ARMC3: variants seen among roughly 807,000 people sequenced by gnomAD.
ARMC3 encodes the protein armadillo repeat-containing protein 3.
ARMC3 carries 74 observed loss-of-function variants against 90.3 expected under a neutral mutation model. The ratio of observed to expected loss-of-function variants is 0.82; its 90% confidence interval spans 0.68 to 0.99. The LOEUF (loss-of-function observed/expected upper bound fraction) is 0.99. Ranked by LOEUF, ARMC3 falls within the 50% of genes least tolerant of loss-of-function variation. The probability of loss-of-function intolerance (pLI) is 0.00; values close to 1 mark genes in which losing one functional copy is unlikely to be tolerated. For missense variants in ARMC3, 958 were observed against 1,042.8 expected, an observed-to-expected ratio of 0.92 and a Z score of 1.12; for synonymous variants, 334 against 361.8, an observed-to-expected ratio of 0.92 and a Z score of 0.87.
At chr10:22,971,653 C>G (rs1177133399) in intron 8 of ARMC3, among the ~76,000 whole-genome samples, 1 of 152,062 alleles carries the variant, frequency 6.6e-6, no homozygotes, top group African/African-American at 2.4e-5. Context: ...GTTAGCCAAG[C>G]TGGTCTTGAA....
At chr10:23,014,204 TGGTCTTCTGAA>T in intron 16 of ARMC3, 1 of 1,542,844 alleles carries the variant, frequency 6.5e-7, no homozygotes, top group Non-Finnish European at 8.8e-7. Flanking sequence ...AACTGGGCCT[TGGTCTTCTGAA>T]TTGTAAATGA....
chr10:22,931,212 C>T (rs1833917556), intron 1 of ARMC3, among the ~76,000 whole-genome samples: 1 of 152,196 alleles, frequency 6.6e-6, no homozygotes, highest in Admixed American at 6.5e-5. Context: ...CAGGCGTGAG[C>T]CACCTGCCCG....
At chr10:22,996,208 T>C (rs1163440981) in intron 10 of ARMC3, among the ~76,000 whole-genome samples, 1 of 152,214 alleles carries the variant, frequency 6.6e-6, no homozygotes, top group Non-Finnish European at 1.5e-5. Context: ...TGCAAAAATA[T>C]GAGATGTTTC....
intron 16 of ARMC3, among the ~76,000 whole-genome samples, chr10:23,010,081 C>T (rs1410106845): frequency 1.3e-5 from 2 of 151,922 alleles, no homozygotes; most frequent in African/African-American, 4.8e-5. Context: ...ATCACTGCTA[C>T]TCATCCATCC....
In ARMC3 at chr10:23,014,364, G is replaced by T. The variant is rs1218458820; in HGVS notation, c.2045+5433G>T. 4 of 1,305,082 alleles carry T rather than the reference G, an allele frequency of 3.1e-6. No homozygotes were observed. The East Asian group carries it at 8.9e-5, about 29-fold the overall frequency. The allele number at this position is 1,305,082 out of a possible 1,614,324, so 80.8% of individuals were successfully genotyped here. On this transcript the variant is annotated intron_variant, in intron 16 of 18. Coordinates refer to ENST00000298032, the MANE Select transcript of ARMC3 (RefSeq NM_173081.5). ...CTTCTTAGCCTTTGGTCCATTGAGGGGTAGATTAGCCATAGCCCTGTTGTC... is the reference window on the plus strand; with the variant it reads ...CTTCTTAGCCTTTGGTCCATTGAGGTGTAGATTAGCCATAGCCCTGTTGTC...
chr10:22,959,612 C>A, intron 6 of ARMC3, 38 bp downstream of exon 6: 1 of 1,534,690 alleles, frequency 6.5e-7, no homozygotes, highest in South Asian at 1.3e-5. Flanking sequence ...GATGAAAGCT[C>A]ATTTTAGAAT....
At position 22,953,452 on chromosome 10, in the gene ARMC3, A is replaced by T. The variant is rs181043574; in HGVS notation, c.167-2355A>T. ...CATATGATCATCTTAATACATGCAA[A>T]ACAACCTTTTTGGCAAAATCTGACA... On this transcript the variant is annotated intron_variant, in intron 3 of 18. Transcript: ENST00000298032. Among the ~76,000 whole-genome samples, 12 of 152,316 alleles carry T rather than the reference A, an allele frequency of 7.9e-5. No homozygotes were observed. The East Asian group carries it at 2.3e-3, about 29-fold the overall frequency.
At chr10:22,978,675 A>G (rs913941452) in intron 8 of ARMC3, among the ~76,000 whole-genome samples, 40 of 152,360 alleles carry the variant, frequency 2.6e-4, no homozygotes, top group African/African-American at 8.4e-4. Context: ...TGAATAAGAA[A>G]GCTATATCCT....
At chr10:23,023,307 G>A (rs117546025) in intron 16 of ARMC3, among the ~76,000 whole-genome samples, 84 of 152,256 alleles carry the variant, frequency 5.5e-4, no homozygotes, top group Middle Eastern at 3.4e-3. Flanking sequence ...GAAAATTAAC[G>A]TGTCATTGGA....
At chr10:22,974,404 A>C (rs1279003915) in intron 8 of ARMC3, among the ~76,000 whole-genome samples, 1 of 152,066 alleles carries the variant, frequency 6.6e-6, no homozygotes, top group Non-Finnish European at 1.5e-5. Flanking sequence ...TAGCTACTAT[A>C]TTCACCCTTA....
chr10:22,954,492 T>A (rs113179205), intron 3 of ARMC3, among the ~76,000 whole-genome samples: 4,121 of 150,412 alleles, frequency 0.027, 159 homozygotes, highest in African/African-American at 0.091. Context: ...TGAGACCCCA[T>A]CTCTACAAAA....
intron 8 of ARMC3, among the ~76,000 whole-genome samples, chr10:22,976,107 T>C (rs1353290733): frequency 6.6e-6 from 1 of 152,206 alleles, no homozygotes; most frequent in Non-Finnish European, 1.5e-5. Context: ...ATTCTCCTGA[T>C]CCCACTGGTT....
intron 1 of ARMC3, among the ~76,000 whole-genome samples, chr10:22,928,653 G>A (rs1170837338): frequency 6.6e-6 from 1 of 152,210 alleles, no homozygotes; most frequent in Non-Finnish European, 1.5e-5. Flanking sequence ...GATAATGGAT[G>A]AAAATTTTAT....
intron 1 of ARMC3, 150 bp downstream of exon 1, chr10:22,928,256 G>T (rs890276996): frequency 1.8e-4 from 28 of 152,308 alleles, no homozygotes; most frequent in African/African-American, 5.1e-4. Context: ...CGCCCGCAGG[G>T]TTAGACGGGG....
At position 23,032,324 on chromosome 10, in the gene ARMC3, TAA is replaced by T. The variant is rs150350926; in HGVS notation, c.2247-536_2247-535del. Among the ~76,000 whole-genome samples the T allele has an allele frequency of 8.1e-3, 1,237 of 152,276 alleles. 19 individuals are homozygous for T. The highest frequency in any genetic ancestry group is 0.028 in the African/African-American group (1,171 of 41,556). ...TCTTCCTTGCTCCTGACTTCAGTGTTAAGTCACACCATGTCTTTCTCTAAATT... is the reference window on the plus strand; with the variant it reads ...TCTTCCTTGCTCCTGACTTCAGTGTTGTCACACCATGTCTTTCTCTAAATT... On this transcript the variant is annotated intron_variant, in intron 17 of 18. Coordinates refer to ENST00000298032, the MANE Select transcript of ARMC3 (RefSeq NM_173081.5).
rs143296151 is a variant in ARMC3 at position 23,031,962 on chromosome 10, G to A, written c.2247-899G>A. ...AGCAAGAGGAATTTCTTTAAAATTC[G>A]CAATTTGGGCCAGGCACGCTAGCTC... On this transcript the variant is annotated intron_variant, in intron 17 of 18. Transcript: ENST00000298032. Among the ~76,000 whole-genome samples, 361 of 151,852 alleles carry A rather than the reference G, an allele frequency of 2.4e-3. 1 individual carries two copies. Among genetic ancestry groups the A allele is most frequent in the African/African-American group, 8.1e-3 (335 of 41,400 alleles).
At chr10:23,018,283 G>T (rs1838363375) in intron 16 of ARMC3, among the ~76,000 whole-genome samples, 1 of 152,120 alleles carries the variant, frequency 6.6e-6, no homozygotes, top group South Asian at 2.1e-4. Context: ...TCACAGCTGG[G>T]GTTGTAGAAC....
At chr10:22,976,989 A>G (rs1835954008) in intron 8 of ARMC3, among the ~76,000 whole-genome samples, 2 of 152,132 alleles carry the variant, frequency 1.3e-5, no homozygotes, top group South Asian at 4.1e-4. Flanking sequence ...ACACAAGCAC[A>G]TGGCCATTGG....
At chr10:22,991,179 G>A (rs1322910070) in intron 10 of ARMC3, among the ~76,000 whole-genome samples, 1 of 152,074 alleles carries the variant, frequency 6.6e-6, no homozygotes, top group East Asian at 1.9e-4. Flanking sequence ...TTGTTTTTCC[G>A]GTCTCTGTTG....
Sources: allele counts gnomAD v4.1 joint callset (sites outside exome capture counted in the v4.1 genomes callset), GRCh38; gene constraint gnomAD v4.1.1; transcripts MANE v1.5; gene names NCBI Gene and HGNC (gene_info 2026-07-23, HGNC 2026-07-21).